Variants in STK32B observed in about 807,000 individuals in gnomAD.
STK32B encodes the protein serine/threonine-protein kinase 32B.
STK32B carries 43 observed loss-of-function variants against 52.6 expected under a neutral mutation model. The observed-to-expected ratio is 0.82, with a 90% CI of 0.64 to 1.05. The LOEUF is 1.05. Ranked by LOEUF, STK32B falls within the 50% of genes least tolerant of loss-of-function variation. STK32B has a pLI of 0.00. For synonymous variants in STK32B, 238 were observed against 204.3 expected (o/e 1.17, Z -1.41); for missense variants, 621 against 534.6 (o/e 1.16, Z -1.59).
intron 4 of STK32B, among the ~76,000 whole-genome samples, chr4:5,381,883 G>A (rs1735956428): frequency 6.6e-6 from 1 of 152,180 alleles, no homozygotes. Flanking sequence ...ATGAAGGAGG[G>A]AGGGAAGGAA....
the STK32B span, among the ~76,000 whole-genome samples, chr4:5,030,507 G>T: frequency 6.6e-6 from 1 of 152,216 alleles, no homozygotes; most frequent in African/African-American, 2.4e-5. Context: ...ACGAACAATA[G>T]CTAATGTGGA....
chr4:5,336,725 A>G (rs1400869509), intron 4 of STK32B, among the ~76,000 whole-genome samples: 1 of 152,226 alleles, frequency 6.6e-6, no homozygotes, highest in Non-Finnish European at 1.5e-5. Flanking sequence ...AAGTTAAAGA[A>G]TCTACAGATT....
intron 4 of STK32B, among the ~76,000 whole-genome samples, chr4:5,348,318 C>T (rs140963789): frequency 3.3e-3 from 510 of 152,284 alleles, no homozygotes; most frequent in Non-Finnish European, 5.4e-3. Context: ...GTGTCCCACA[C>T]CTTCTTCCCA....
chr4:5,390,187 G>A (rs1736510793), intron 4 of STK32B, among the ~76,000 whole-genome samples: 1 of 152,210 alleles, frequency 6.6e-6, no homozygotes, highest in African/African-American at 2.4e-5. Context: ...TCCCTGATAT[G>A]GGTAGTTGTG....
chr4:5,358,401 A>T (rs1734315151), intron 4 of STK32B, among the ~76,000 whole-genome samples: 1 of 152,206 alleles, frequency 6.6e-6, no homozygotes, highest in Non-Finnish European at 1.5e-5. Context: ...GCATTTTGGA[A>T]ATGTCAGCAC....
chr4:5,139,776 C>T lies in STK32B; in HGVS notation c.53-129C>T, dbSNP rs542336212. On this transcript the variant is annotated intron_variant, in intron 1 of 11. Transcript: ENST00000282908. ...CTGTGGATAAGGGTGGACGGCTGCTCTGGCAAGTATAGTGCACCTGACCCA... is the reference window on the plus strand; with the variant it reads ...CTGTGGATAAGGGTGGACGGCTGCTTTGGCAAGTATAGTGCACCTGACCCA... 1.1e-5 allele frequency: 11 copies of T among 975,720 alleles called. No individual in the cohort carries two copies. The African/African-American group carries it at 1.5e-4, about 13-fold the overall frequency. The allele number at this position is 975,720 out of a possible 1,614,324, so 60.4% of individuals were successfully genotyped here.
chr4:5,438,076 C>G, intron 6 of STK32B: 1 of 985,590 alleles, frequency 1.0e-6, no homozygotes, highest in Non-Finnish European at 1.2e-6. Context: ...CCAGGCATGA[C>G]AAGGTTTGAT....
In STK32B at chr4:5,394,351, C is replaced by T. The variant is rs183975928; in HGVS notation, c.435-3856C>T. Among the ~76,000 whole-genome samples, 210 of 152,266 alleles carry T rather than the reference C, an allele frequency of 1.4e-3. 2 individuals are homozygous for T. The highest frequency in any genetic ancestry group is 0.011 in the East Asian group (57 of 5,184). ...CAATGCTCCTGATGCCCTTTCTGAA[C>T]GTTCAAACCCGTTTTCAACAGGATG... On this transcript the variant is annotated intron_variant, in intron 4 of 11. Coordinates refer to ENST00000282908, the MANE Select transcript of STK32B (RefSeq NM_018401.3). The surrounding 1 kb of genome is among the most constrained non-coding windows in gnomAD (Gnocchi z 4.2).
At chr4:5,449,125 T>G (rs968332410) in intron 7 of STK32B, among the ~76,000 whole-genome samples, 10 of 152,164 alleles carry the variant, frequency 6.6e-5, no homozygotes, top group Non-Finnish European at 1.3e-4. Context: ...GCGGATCACC[T>G]GAGGTCGGAG....
chr4:5,052,246 G>C (rs1266074700), intron 1 of STK32B, among the ~76,000 whole-genome samples: 1 of 152,092 alleles, frequency 6.6e-6, no homozygotes, highest in East Asian at 1.9e-4. Flanking sequence ...TTCTAGGCTC[G>C]GGCTCCCCAG....
At chr4:5,027,493 T>G in the STK32B span, among the ~76,000 whole-genome samples, 1 of 152,182 alleles carries the variant, frequency 6.6e-6, no homozygotes, top group Non-Finnish European at 1.5e-5. Context: ...AATACAGACT[T>G]CAGTTTAGAT....
intron 4 of STK32B, among the ~76,000 whole-genome samples, chr4:5,338,535 A>C (rs992973600): frequency 6.6e-6 from 1 of 152,184 alleles, no homozygotes; most frequent in Non-Finnish European, 1.5e-5. Flanking sequence ...ACTAGAGTGC[A>C]ATAGATAGAT....
chr4:5,304,773 G>C (rs59583355), intron 3 of STK32B, among the ~76,000 whole-genome samples: 1 of 151,652 alleles, frequency 6.6e-6, no homozygotes, highest in South Asian at 2.1e-4. Context: ...TTATCGGGGA[G>C]GGGGGGTGCT....
intron 4 of STK32B, among the ~76,000 whole-genome samples, chr4:5,337,211 A>G (rs888768169): frequency 1.3e-5 from 2 of 150,718 alleles, no homozygotes; most frequent in African/African-American, 4.9e-5. Context: ...GTGGTCTCAT[A>G]CTCCTGAGCT....
At chr4:5,320,889 G>A (rs1731442034) in intron 3 of STK32B, among the ~76,000 whole-genome samples, 1 of 152,120 alleles carries the variant, frequency 6.6e-6, no homozygotes, top group Admixed American at 6.6e-5. Flanking sequence ...TAAATAATGG[G>A]AAATACATTC....
At chr4:5,180,512 G>C (rs1002636355) in intron 3 of STK32B, among the ~76,000 whole-genome samples, 2 of 152,110 alleles carry the variant, frequency 1.3e-5, no homozygotes, top group South Asian at 4.1e-4. Context: ...CACAGCTGCT[G>C]TGATGGGGCC....
chr4:5,224,574 C>T (rs549380432), intron 3 of STK32B, among the ~76,000 whole-genome samples: 11 of 152,268 alleles, frequency 7.2e-5, no homozygotes, highest in African/African-American at 2.6e-4. Context: ...TGGTCTTTTC[C>T]TTCCTGGTTC....
At chr4:5,351,797 G>A (rs1010935464) in intron 4 of STK32B, among the ~76,000 whole-genome samples, 17 of 151,786 alleles carry the variant, frequency 1.1e-4, no homozygotes, top group African/African-American at 3.9e-4. Context: ...ACAGAAATAC[G>A]AAAGATCATC....
intron 1 of STK32B, among the ~76,000 whole-genome samples, chr4:5,085,181 G>T (rs1413250363): frequency 6.6e-6 from 1 of 152,154 alleles, no homozygotes; most frequent in Non-Finnish European, 1.5e-5. Context: ...TTACTCGTTG[G>T]AAATTTTTAC....
Sources: allele counts gnomAD v4.1 joint callset (sites outside exome capture counted in the v4.1 genomes callset), GRCh38; gene constraint gnomAD v4.1.1; non-coding constraint Gnocchi (gnomAD v3.1); transcripts MANE v1.5; gene names NCBI Gene and HGNC (gene_info 2026-07-23, HGNC 2026-07-21).